The following CYB5RL variants were observed in gnomAD, a reference collection of about 807,000 sequenced individuals.
The protein encoded by CYB5RL is cytochrome b5 reductase like.
In CYB5RL, 38 loss-of-function variants were observed where a neutral mutation model predicts 37.5. That is an observed-to-expected ratio of 1.01 (90% CI 0.78 to 1.33). The LOEUF (loss-of-function observed/expected upper bound fraction) is 1.33, where lower values mean the gene tolerates loss of function less well. Ranked by LOEUF, CYB5RL falls within the 40% of genes most tolerant of loss-of-function variation. The probability of loss-of-function intolerance (pLI) is 0.00; values close to 1 mark genes in which losing one functional copy is unlikely to be tolerated. For missense variants in CYB5RL, 388 were observed against 394.4 expected (o/e 0.98, Z 0.14); for synonymous variants, 141 against 151.9 (o/e 0.93, Z 0.53).
intron 5 of CYB5RL, among the ~76,000 whole-genome samples, chr1:54,186,840 T>C (rs988807179): frequency 2.0e-5 from 3 of 151,944 alleles, no homozygotes; most frequent in Non-Finnish European, 4.4e-5. Context: ...CAGCACTTCT[T>C]ACTAGCTGTG....
intron 7 of CYB5RL, among the ~76,000 whole-genome samples, chr1:54,176,517 G>C (rs1453003535): frequency 6.6e-6 from 1 of 152,222 alleles, no homozygotes; most frequent in Non-Finnish European, 1.5e-5. Flanking sequence ...GGGCAACAGA[G>C]TGACACCCTG....
chr1:54,170,904 G>A lies in CYB5RL; in HGVS notation c.*3715C>T. The A allele has an allele frequency of 2.9e-6, 1 of 339,286 alleles. No individual in the cohort carries two copies. Among genetic ancestry groups the A allele is most frequent in the South Asian group, 2.3e-5 (1 of 42,764 alleles). The allele number at this position is 339,286 out of a possible 1,614,324, so 21.0% of individuals were successfully genotyped here. ...TATTGGTGAAGATTCTTGCTTCAAA[G>A]TAGAGGAAACACCTTTTGCCACCTG... On this transcript the variant is annotated 3_prime_UTR_variant, in exon 8 of 8. Transcript: ENST00000534324.
intron 7 of CYB5RL, among the ~76,000 whole-genome samples, chr1:54,177,906 G>A (rs1660059803): frequency 6.6e-6 from 1 of 152,150 alleles, no homozygotes; most frequent in Admixed American, 6.5e-5. Context: ...AAGCAAGGCT[G>A]GCCAGCAGCT....
rs933561620 is a variant in CYB5RL at position 54,174,219 on chromosome 1, T to C, written c.*400A>G. The stretch of plus-strand genomic sequence containing the variant: ...CTCAGGAGCCCCTAATCCGAGATGG[T>C]GCTGAGGCCACAGTTGGAGCCCCCA... On this transcript the variant is annotated 3_prime_UTR_variant, in exon 8 of 8. Coordinates refer to ENST00000534324, the MANE Select transcript of CYB5RL (RefSeq NM_001031672.4). 3 of 251,284 alleles carry C rather than the reference T, an allele frequency of 1.2e-5. No individual in the cohort carries two copies. The highest frequency in any genetic ancestry group is 2.4e-5 in the Non-Finnish European group (3 of 125,546). The allele number at this position is 251,284 out of a possible 1,614,324, so 15.6% of individuals were successfully genotyped here. A position where few individuals can be genotyped will look rare whatever the true frequency, so the allele number is the denominator to read the frequency against.
At chr1:54,188,424 A>G (rs1441202760) in intron 4 of CYB5RL, among the ~76,000 whole-genome samples, 1 of 152,186 alleles carries the variant, frequency 6.6e-6, no homozygotes, top group African/African-American at 2.4e-5. Context: ...AACAACTGCT[A>G]ACATTTATTA....
At chr1:54,191,194 A>G (rs1643950832) in intron 3 of CYB5RL, among the ~76,000 whole-genome samples, 2 of 152,008 alleles carry the variant, frequency 1.3e-5, no homozygotes, top group Admixed American at 1.3e-4. Context: ...CTCATGCCTC[A>G]TTTTATCTCC....
chr1:54,177,882 C>T (rs769195483), intron 7 of CYB5RL, among the ~76,000 whole-genome samples: 27 of 152,134 alleles, frequency 1.8e-4, no homozygotes, highest in African/African-American at 2.4e-4. Flanking sequence ...CATTCTCAGG[C>T]GACAGAGGAG....
chr1:54,176,476 G>A (rs1660022867), intron 7 of CYB5RL, among the ~76,000 whole-genome samples: 1 of 152,196 alleles, frequency 6.6e-6, no homozygotes, highest in African/African-American at 2.4e-5. Flanking sequence ...AGGCTTCAGT[G>A]AGTTATGATT....
At chr1:54,187,820 A>G in intron 4 of CYB5RL, 81 bp from the exon 5 acceptor site, 2 of 1,258,448 alleles carry the variant, frequency 1.6e-6, no homozygotes, top group African/African-American at 3.0e-5. Context: ...TCATGTCTGT[A>G]ATCCCCACAC....
Position 54,174,772 on chromosome 1 carries a change from A to G in CYB5RL, c.795T>C (p.Phe265=), listed in dbSNP as rs767280736. ...TAATTAGGTCCTGGCCCAGGTGGCCAAAGTGGGTTTTCTCTTGGTAACTCC... is the reference window on the plus strand; with the variant it reads ...TAATTAGGTCCTGGCCCAGGTGGCCGAAGTGGGTTTTCTCTTGGTAACTCC... The part of the protein sequence containing the change: ...LPWSYQEKTH[F]GHLGQDLIKE... Residue 265 remains phenylalanine, a synonymous_variant, in exon 8 of 8, where the codon TTT becomes TTC. Coordinates refer to ENST00000534324, the MANE Select transcript of CYB5RL (RefSeq NM_001031672.4). 5.6e-6 allele frequency: 9 copies of G among 1,613,876 alleles called. No individual in the cohort carries two copies. The highest frequency in any genetic ancestry group is 7.6e-6 in the Non-Finnish European group (9 of 1,179,898).
At position 54,171,792 on chromosome 1, in the gene CYB5RL, C is replaced by T. The variant is rs888128093; in HGVS notation, c.*2827G>A. The T allele has an allele frequency of 5.3e-5, 16 of 299,240 alleles. No homozygotes were observed. Among genetic ancestry groups the T allele is most frequent in the Admixed American group, 1.2e-4 (3 of 24,248 alleles). 18.5% of individuals were successfully genotyped at this position (299,240 alleles called of 1,614,324 possible). On this transcript the variant is annotated 3_prime_UTR_variant, in exon 8 of 8. Coordinates refer to ENST00000534324, the MANE Select transcript of CYB5RL (RefSeq NM_001031672.4). The stretch of plus-strand genomic sequence containing the variant: ...GATGGGAACCATGCCCCCACAGCTC[C>T]AAGAGGTCTGAACTCACACACCACA...
Position 54,173,961 on chromosome 1 carries a change from C to A in CYB5RL, c.*658G>T, listed in dbSNP as rs1659955034. The A allele has an allele frequency of 6.5e-6, 1 of 153,380 alleles. No homozygotes were observed. The highest frequency in any genetic ancestry group is 1.5e-5 in the Non-Finnish European group (1 of 68,676). The allele number at this position is 153,380 out of a possible 1,614,324, so 9.5% of individuals were successfully genotyped here. Reference sequence around the variant, plus strand: ...AGGGAGGGGCGTTTCCTTCCCGTGCCTCTTCTTTTGCTAGGCTCGATTTTT... The same window carrying A: ...AGGGAGGGGCGTTTCCTTCCCGTGCATCTTCTTTTGCTAGGCTCGATTTTT... On this transcript the variant is annotated 3_prime_UTR_variant, in exon 8 of 8. Coordinates refer to ENST00000534324, the MANE Select transcript of CYB5RL (RefSeq NM_001031672.4).
At chr1:54,194,695 T>C (rs1456514039) in intron 3 of CYB5RL, among the ~76,000 whole-genome samples, 1 of 150,156 alleles carries the variant, frequency 6.7e-6, no homozygotes, top group Non-Finnish European at 1.5e-5. Flanking sequence ...TTGAGAGAGG[T>C]AGAAATGGGA....
At chr1:54,186,524 A>G (rs746196623) in intron 5 of CYB5RL, among the ~76,000 whole-genome samples, 1 of 152,222 alleles carries the variant, frequency 6.6e-6, no homozygotes, top group African/African-American at 2.4e-5. Context: ...GCATCTCTCT[A>G]AAGAGAGGCT....
At position 54,196,490 on chromosome 1, in the gene CYB5RL, C is replaced by T. The variant is rs1166167064; in HGVS notation, c.-221G>A. On this transcript the variant is annotated splice_region_variant and 5_prime_UTR_variant, in exon 2 of 8. Coordinates refer to ENST00000534324, the MANE Select transcript of CYB5RL (RefSeq NM_001031672.4). ...TACAGGCATGAGCCACCATGTCTGG[C>T]CCTAAAATGTTTTAAATGATAAAGT... 6.6e-6 allele frequency: 1 copy of T among 152,116 alleles called. No individual in the cohort carries two copies. Among genetic ancestry groups the T allele is most frequent in the East Asian group, 1.9e-4 (1 of 5,206 alleles). The allele number at this position is 152,116 out of a possible 1,614,324, so 9.4% of individuals were successfully genotyped here.
At chr1:54,180,555 G>C (rs1352326438) in intron 6 of CYB5RL, among the ~76,000 whole-genome samples, 1 of 151,328 alleles carries the variant, frequency 6.6e-6, no homozygotes, top group Non-Finnish European at 1.5e-5. Context: ...AGTGAGCTGA[G>C]ATCGCGCCAC....
chr1:54,196,165 T>C (rs1644005990), intron 2 of CYB5RL, among the ~76,000 whole-genome samples: 1 of 152,222 alleles, frequency 6.6e-6, no homozygotes, highest in Non-Finnish European at 1.5e-5. Flanking sequence ...AAAAGTCTCA[T>C]TGAATTTTAA....
chr1:54,187,031 T>C (rs761988778), intron 5 of CYB5RL, among the ~76,000 whole-genome samples: 1 of 152,172 alleles, frequency 6.6e-6, no homozygotes, highest in Non-Finnish European at 1.5e-5. Context: ...GATGTTTCTT[T>C]AAGTCAAAAA....
intron 3 of CYB5RL, among the ~76,000 whole-genome samples, chr1:54,195,104 C>T (rs1371804729): frequency 6.6e-6 from 1 of 152,208 alleles, no homozygotes; most frequent in South Asian, 2.1e-4. Context: ...CACTATTTCA[C>T]AGGGCCTGGT....
Sources: allele counts gnomAD v4.1 joint callset (sites outside exome capture counted in the v4.1 genomes callset), GRCh38; gene constraint gnomAD v4.1.1; transcripts MANE v1.5; gene names NCBI Gene and HGNC (gene_info 2026-07-23, HGNC 2026-07-21).